The following CASP4 variants were observed in gnomAD, a reference collection of about 807,000 sequenced individuals.
The protein encoded by CASP4 is caspase 4, also known as caspase-4.
Under a neutral mutation model 41.3 loss-of-function variants are expected in CASP4, and 29 were observed. That is an observed-to-expected ratio of 0.70 (90% CI 0.52 to 0.96). CASP4 has a LOEUF of 0.96. Ranked by LOEUF, CASP4 falls within the 40% of genes least tolerant of loss-of-function variation. CASP4 has a pLI of 0.00. For synonymous variants in CASP4, 185 were observed against 158.4 expected (o/e 1.17, Z -1.26); for missense variants, 447 against 460.6 (o/e 0.97, Z 0.27).
chr11:104,950,152 G>A (rs2134638882), intron 4 of CASP4, among the ~76,000 whole-genome samples: 1 of 152,138 alleles, frequency 6.6e-6, no homozygotes, highest in South Asian at 2.1e-4. Context: ...TCAAACTTCT[G>A]GCCTGACCAT....
Position 104,948,514 on chromosome 11 carries a change from G to A in CASP4, c.925+19C>T. 6.4e-7 allele frequency: 1 copy of A among 1,565,646 alleles called. No homozygotes were observed. ...GCCTCAGGCCCACAAATCCCTTACT[G>A]CCACTGAAAGATACATACGTGGCGT... On this transcript the variant is annotated intron_variant, in intron 6 of 8. Coordinates refer to ENST00000444739, the MANE Select transcript of CASP4 (RefSeq NM_001225.4).
intron 1 of CASP4, among the ~76,000 whole-genome samples, chr11:104,963,096 G>A (rs1190987026): frequency 6.6e-6 from 1 of 152,190 alleles, no homozygotes; most frequent in East Asian, 1.9e-4. Context: ...AAATTTAAAA[G>A]GATTTTGTTA....
chr11:104,944,997 A>T (rs964112607), intron 7 of CASP4, 146 bp from the exon 8 acceptor site: 1 of 632,940 alleles, frequency 1.6e-6, no homozygotes, highest in East Asian at 2.7e-5. Context: ...ACTCCTCAAC[A>T]TTGTACCCTA....
chr11:104,958,156 G>GT (rs1860776912), intron 1 of CASP4, among the ~76,000 whole-genome samples: 1 of 152,140 alleles, frequency 6.6e-6, no homozygotes, highest in African/African-American at 2.4e-5. Context: ...ATATGTAAAT[G>GT]TAAGAACCAA....
chr11:104,964,847 T>C (rs79502484), intron 1 of CASP4, among the ~76,000 whole-genome samples: 56 of 152,342 alleles, frequency 3.7e-4, no homozygotes, highest in African/African-American at 1.3e-3. Context: ...TAAAAAGTCT[T>C]ATCTGAGATT....
chr11:104,951,488 A>C lies in CASP4; in HGVS notation c.373-390T>G. On this transcript the variant is annotated intron_variant, in intron 3 of 8. Transcript: ENST00000444739. ...ATTTTGTTACTATTTTTAACACATA[A>C]ATTTATAATGTTTTTCAAGCTTTAA... 1.2e-5 allele frequency: 3 copies of C among 248,428 alleles called. No individual in the cohort carries two copies. The South Asian group carries it at 1.8e-4, about 15-fold the overall frequency. 15.4% of individuals were successfully genotyped at this position (248,428 alleles called of 1,614,324 possible). A position where few individuals can be genotyped will look rare whatever the true frequency, so the allele number is the denominator to read the frequency against.
chr11:104,959,999 A>G (rs1462787216), intron 1 of CASP4, among the ~76,000 whole-genome samples: 3 of 152,220 alleles, frequency 2.0e-5, no homozygotes, highest in Non-Finnish European at 4.4e-5. Context: ...TCTAGATTTG[A>G]CCATGAAAAC....
intron 1 of CASP4, among the ~76,000 whole-genome samples, chr11:104,967,536 A>G (rs2134664117): frequency 6.6e-6 from 1 of 152,350 alleles, no homozygotes; most frequent in African/African-American, 2.4e-5. Flanking sequence ...AAAGTTAATT[A>G]CATTAATAGA....
intron 5 of CASP4, 69 bp from the exon 6 acceptor site, chr11:104,948,745 T>C: frequency 5.6e-6 from 8 of 1,424,676 alleles, no homozygotes; most frequent in Non-Finnish European, 7.6e-6. Flanking sequence ...TTGCCCACCT[T>C]GTTCTTTTTG....
chr11:104,946,450 T>G (rs1437258766), intron 7 of CASP4, among the ~76,000 whole-genome samples: 1 of 152,162 alleles, frequency 6.6e-6, no homozygotes, highest in African/African-American at 2.4e-5. Flanking sequence ...AATAAACTAT[T>G]AATATTTGCT....
At position 104,956,163 on chromosome 11, in the gene CASP4, A is replaced by G. The variant is rs554869389; in HGVS notation, c.8-1162T>C. On this transcript the variant is annotated intron_variant, in intron 1 of 8. Transcript: ENST00000444739. Reference sequence around the variant, plus strand: ...AATTTAAATCATTATTATAATCATCATTATCATTTACATATCACTGTACCA... The same window carrying G: ...AATTTAAATCATTATTATAATCATCGTTATCATTTACATATCACTGTACCA... Among the ~76,000 whole-genome samples the G allele has an allele frequency of 3.3e-5, 5 of 152,248 alleles. No individual in the cohort carries two copies. The East Asian group carries it at 9.6e-4, about 29-fold the overall frequency.
intron 5 of CASP4, 163 bp from the exon 6 acceptor site, chr11:104,948,839 A>ACAC (rs1346201345): frequency 3.7e-6 from 1 of 273,852 alleles, no homozygotes. Context: ...CACACACACC[A>ACAC]CTTTTCTTTC....
chr11:104,948,871 G>A, intron 5 of CASP4, 195 bp from the exon 6 acceptor site: 1 of 396,858 alleles, frequency 2.5e-6, no homozygotes, highest in East Asian at 3.6e-5. Context: ...ATTCAACAAT[G>A]TGCCTACTGA....
At chr11:104,948,935 T>G in intron 5 of CASP4, 1 of 272,750 alleles carries the variant, frequency 3.7e-6, no homozygotes, top group Non-Finnish European at 6.9e-6. Flanking sequence ...TGTTTTCTTT[T>G]GAAAAATAGC....
intron 1 of CASP4, among the ~76,000 whole-genome samples, chr11:104,967,316 T>C (rs1860996193): frequency 1.3e-5 from 2 of 152,186 alleles, no homozygotes; most frequent in South Asian, 4.1e-4. Flanking sequence ...AGAGAATTGT[T>C]CTATAGGGAG....
chr11:104,949,687 G>A lies in CASP4; in HGVS notation c.637C>T (p.Leu213=). The change falls in exon 5 of 9, where the codon CTG becomes TTG. Residue 213 remains leucine, a synonymous_variant. Coordinates refer to ENST00000444739, the MANE Select transcript of CASP4 (RefSeq NM_001225.4). ...TFLVLMSHGI[L]EGICGTVHDE... Reference sequence around the variant, plus strand: ...TGCACAGTTCCGCAGATTCCCTCCAGGATGCCATGAGACATGAGTACCAAG... The same window carrying A: ...TGCACAGTTCCGCAGATTCCCTCCAAGATGCCATGAGACATGAGTACCAAG... 6.2e-7 allele frequency: 1 copy of A among 1,613,938 alleles called. No individual in the cohort carries two copies. The highest frequency in any genetic ancestry group is 8.5e-7 in the Non-Finnish European group (1 of 1,179,894).
chr11:104,959,683 A>T (rs781225376), intron 1 of CASP4, among the ~76,000 whole-genome samples: 2 of 152,020 alleles, frequency 1.3e-5, no homozygotes, highest in African/African-American at 4.8e-5. Flanking sequence ...TTTCATTTCC[A>T]TCCTTCATTC....
At chr11:104,967,648 A>G (rs1450517510) in intron 1 of CASP4, among the ~76,000 whole-genome samples, 1 of 152,236 alleles carries the variant, frequency 6.6e-6, no homozygotes, top group East Asian at 1.9e-4. Flanking sequence ...ACGATCTTCA[A>G]AGGTAATAAA....
At chr11:104,954,513 T>G (rs1326990875) in intron 2 of CASP4, among the ~76,000 whole-genome samples, 2 of 152,146 alleles carry the variant, frequency 1.3e-5, no homozygotes, top group Non-Finnish European at 2.9e-5. Flanking sequence ...AGGTGTGAAC[T>G]ATTAACTATT....
Sources: gnomAD v4.1 joint callset for allele counts (sites outside exome capture counted in the v4.1 genomes callset) on GRCh38, gnomAD v4.1.1 for gene constraint, MANE v1.5 for transcripts, NCBI Gene and HGNC (gene_info 2026-07-23, HGNC 2026-07-21) for gene names.